Variants in GNA12 observed in about 807,000 individuals in gnomAD.
GNA12 encodes the protein G protein subunit alpha 12, also known as guanine nucleotide-binding protein subunit alpha-12.
In GNA12, 9 loss-of-function variants were observed where a neutral mutation model predicts 26.0. The ratio of observed to expected loss-of-function variants is 0.35; its 90% CI spans 0.21 to 0.60. The LOEUF (loss-of-function observed/expected upper bound fraction) is 0.60. Among genes scored for constraint, GNA12 ranks in the 20% least tolerant of loss-of-function variants. The probability of loss-of-function intolerance (pLI) is 0.78; values close to 1 mark genes in which losing one functional copy is unlikely to be tolerated. For synonymous variants in GNA12, 264 were observed against 219.6 expected (o/e 1.20, Z -1.79); for missense variants, 405 against 525.8 (o/e 0.77, Z 2.25).
At position 2,795,135 on chromosome 7, in the gene GNA12, C is replaced by G. The variant is rs780830669; in HGVS notation, c.318G>C (p.Arg106Ser). The stretch of plus-strand genomic sequence containing the variant: ...GCTTATCTCGTGCATCAACAAGAAC[C>G]CTTGAGCCCTAGAAAATAAAAGAAA... The part of the protein sequence containing the change: ...TIFDNILKGS[R>S]VLVDARDKLG... The change falls in exon 2 of 4, where the codon AGG (arginine) becomes AGC (serine). Residue 106 changes from arginine to serine, a missense_variant. By Grantham distance (110) the Arg-to-Ser change is moderately radical. Transcript: ENST00000275364. 2.5e-6 allele frequency: 4 copies of G among 1,610,872 alleles called. No homozygotes were observed. Among genetic ancestry groups the G allele is most frequent in the Non-Finnish European group, 8.5e-7 (1 of 1,177,490 alleles).
intron 2 of GNA12, among the ~76,000 whole-genome samples, chr7:2,745,683 T>C (rs1790730939): frequency 6.6e-6 from 1 of 152,234 alleles, no homozygotes; most frequent in African/African-American, 2.4e-5. Context: ...TAACTTTGAA[T>C]GTAAATGGGC....
chr7:2,769,265 A>G (rs1448391299), intron 2 of GNA12, among the ~76,000 whole-genome samples: 1 of 152,186 alleles, frequency 6.6e-6, no homozygotes, highest in East Asian at 1.9e-4. Context: ...TATTCTACTT[A>G]AACAGCATCA....
At chr7:2,767,813 T>C (rs145374883) in intron 2 of GNA12, among the ~76,000 whole-genome samples, 6 of 152,342 alleles carry the variant, frequency 3.9e-5, no homozygotes, top group East Asian at 3.9e-4. Context: ...TACAATAACA[T>C]AGATTTGTGT....
chr7:2,812,393 G>C (rs995411055), intron 1 of GNA12, among the ~76,000 whole-genome samples: 7 of 152,214 alleles, frequency 4.6e-5, no homozygotes, highest in African/African-American at 1.7e-4. Flanking sequence ...ACCTTTGGAG[G>C]CTGAGGCGGG....
chr7:2,811,205 C>T (rs578104521), intron 1 of GNA12, among the ~76,000 whole-genome samples: 52 of 152,326 alleles, frequency 3.4e-4, no homozygotes, highest in Middle Eastern at 3.4e-3. Context: ...TCAGGGAAGA[C>T]GGCTCAGCCT....
chr7:2,770,668 C>CAAAAG (rs1791925616), intron 2 of GNA12, among the ~76,000 whole-genome samples: 1 of 151,912 alleles, frequency 6.6e-6, no homozygotes, highest in African/African-American at 2.4e-5. Context: ...CAAAACAAAA[C>CAAAAG]AACACACAGA....
At chr7:2,749,210 A>G (rs1472316293) in intron 2 of GNA12, among the ~76,000 whole-genome samples, 1 of 152,228 alleles carries the variant, frequency 6.6e-6, no homozygotes, top group African/African-American at 2.4e-5. Context: ...ACACATGCAC[A>G]CGTGTGTTTA....
intron 1 of GNA12, among the ~76,000 whole-genome samples, chr7:2,811,031 A>G (rs1228211303): frequency 6.6e-6 from 1 of 152,210 alleles, no homozygotes; most frequent in Non-Finnish European, 1.5e-5. Context: ...GCAAGTCCCA[A>G]GAATCAGAAG....
intron 1 of GNA12, among the ~76,000 whole-genome samples, chr7:2,801,211 T>C (rs1301249965): frequency 6.6e-6 from 1 of 152,122 alleles, no homozygotes; most frequent in African/African-American, 2.4e-5. Flanking sequence ...CCAACTCAAA[T>C]ACAGAAATTG....
At chr7:2,835,903 C>A (rs532114635) in intron 1 of GNA12, 3 of 542,010 alleles carry the variant, frequency 5.5e-6, no homozygotes, top group East Asian at 7.3e-5. Flanking sequence ...TAAAAATTTG[C>A]AAGAAGCAAC....
intron 2 of GNA12, among the ~76,000 whole-genome samples, chr7:2,780,076 A>ATATATATATG (rs1792189559): frequency 1.5e-5 from 2 of 130,994 alleles, no homozygotes; most frequent in Non-Finnish European, 3.2e-5. Flanking sequence ...ATATATATAT[A>ATATATATATG]TATATATATA....
chr7:2,819,994 C>T lies in GNA12; in HGVS notation c.309+23859G>A, dbSNP rs111754835. ...AACCTAGATGCCACTGACTGAGGCA[C>T]GGATAAACAAAACGGGGCGTAGCAA... On this transcript the variant is annotated intron_variant, in intron 1 of 3. Transcript: ENST00000275364. Among the ~76,000 whole-genome samples the T allele has an allele frequency of 6.4e-3, 970 of 152,204 alleles. 11 individuals are homozygous for T. The highest frequency in any genetic ancestry group is 0.022 in the African/African-American group (920 of 41,522).
Position 2,814,513 on chromosome 7 carries a change from G to C in GNA12, c.310-19370C>G, listed in dbSNP as rs1431089618. 3 of 715,110 alleles carry C rather than the reference G, an allele frequency of 4.2e-6. No individual in the cohort carries two copies. In the South Asian group the frequency reaches 5.0e-5, roughly 12 times the overall value. The allele number at this position is 715,110 out of a possible 1,614,324, so 44.3% of individuals were successfully genotyped here. ...AATCAAAGACACAAACCAAGACTTTGAGGAAATTTCTTCTGCACCCATGAA... is the reference window on the plus strand; with the variant it reads ...AATCAAAGACACAAACCAAGACTTTCAGGAAATTTCTTCTGCACCCATGAA... On this transcript the variant is annotated intron_variant, in intron 1 of 3. Transcript: ENST00000275364.
chr7:2,769,990 A>C (rs1377710065), intron 2 of GNA12, among the ~76,000 whole-genome samples: 1 of 152,206 alleles, frequency 6.6e-6, no homozygotes. Context: ...AATTGCTTTT[A>C]TAAAATTAAA....
intron 2 of GNA12, among the ~76,000 whole-genome samples, chr7:2,791,414 C>T (rs1357420921): frequency 6.6e-6 from 1 of 152,224 alleles, no homozygotes; most frequent in African/African-American, 2.4e-5. Flanking sequence ...CATCCCCCAC[C>T]CCGGCCCACC....
In GNA12 at chr7:2,832,803, G is replaced by A. The variant is rs1274209474; in HGVS notation, c.309+11050C>T. On this transcript the variant is annotated intron_variant, in intron 1 of 3. Transcript: ENST00000275364. Reference sequence around the variant, plus strand: ...TCAGGGATGTTTTCTTCCCCTTGCCGTCCAGAGCGGCTGGATGTGCTGCCC... The same window carrying A: ...TCAGGGATGTTTTCTTCCCCTTGCCATCCAGAGCGGCTGGATGTGCTGCCC... Among the ~76,000 whole-genome samples, 4 of 152,150 alleles carry A rather than the reference G, an allele frequency of 2.6e-5. No individual in the cohort carries two copies. The South Asian group carries it at 6.2e-4, about 24-fold the overall frequency.
chr7:2,819,258 C>A (rs1389707838), intron 1 of GNA12, among the ~76,000 whole-genome samples: 1 of 152,196 alleles, frequency 6.6e-6, no homozygotes, highest in Non-Finnish European at 1.5e-5. Flanking sequence ...GAACCCTTGC[C>A]ACAACCTGAA....
chr7:2,815,226 T>A (rs2115488259), intron 1 of GNA12: 1 of 341,940 alleles, frequency 2.9e-6, no homozygotes, highest in Non-Finnish European at 5.5e-6. Flanking sequence ...AGGAAGCCAG[T>A]CAGCGGACCT....
chr7:2,812,693 CATCAG>C (rs1562441414), intron 1 of GNA12, among the ~76,000 whole-genome samples: 2 of 142,274 alleles, frequency 1.4e-5, no homozygotes, highest in African/African-American at 5.2e-5. Context: ...CATCACATCA[CATCAG>C]GGGCTTTGTG....
Sources: gnomAD v4.1 joint callset for allele counts (sites outside exome capture counted in the v4.1 genomes callset) on GRCh38, gnomAD v4.1.1 for gene constraint, MANE v1.5 for transcripts, NCBI Gene and HGNC (gene_info 2026-07-23, HGNC 2026-07-21) for gene names.